Variants in PLCXD3 observed in about 807,000 individuals in gnomAD.
PLCXD3 encodes phosphatidylinositol specific phospholipase C X domain containing 3, also known as PI-PLC X domain-containing protein 3.
Under a neutral mutation model 25.5 loss-of-function variants are expected in PLCXD3, and 19 were observed. The observed-to-expected ratio is 0.75, with a 90% CI of 0.52 to 1.09. The LOEUF (loss-of-function observed/expected upper bound fraction) is 1.09. PLCXD3 is among the 50% of genes least tolerant of loss of function. PLCXD3 has a pLI of 0.00. For missense variants in PLCXD3, 411 were observed against 388.1 expected, an observed-to-expected ratio of 1.06 and a Z score of -0.50; for synonymous variants, 174 against 137.6, an observed-to-expected ratio of 1.26 and a Z score of -1.85.
chr5:41,453,664 G>A (rs1265045758), intron 1 of PLCXD3, among the ~76,000 whole-genome samples: 2 of 151,988 alleles, frequency 1.3e-5, no homozygotes, highest in Non-Finnish European at 2.9e-5. Context: ...GGCCAGCACG[G>A]CATCTAGCAT....
At chr5:41,482,773 C>T (rs1467151371) in intron 1 of PLCXD3, among the ~76,000 whole-genome samples, 1 of 152,146 alleles carries the variant, frequency 6.6e-6, no homozygotes, top group African/African-American at 2.4e-5. Context: ...TTCTTGTTTT[C>T]TTTAATTTAG....
At chr5:41,461,971 C>A (rs554030051) in intron 1 of PLCXD3, among the ~76,000 whole-genome samples, 1 of 152,096 alleles carries the variant, frequency 6.6e-6, no homozygotes, top group Non-Finnish European at 1.5e-5. Context: ...GTTCTACCCA[C>A]AGTCCTGAAG....
rs1745736610 is a variant in PLCXD3 at position 41,389,287 on chromosome 5, A to T, written c.104-6753T>A. 1.3e-5 allele frequency among the ~76,000 whole-genome samples: 2 copies of T among 152,166 alleles called. 1 individual carries two copies. Among genetic ancestry groups the T allele is most frequent in the South Asian group, 4.1e-4 (2 of 4,834 alleles). On this transcript the variant is annotated intron_variant, in intron 1 of 2. Transcript: ENST00000377801. The stretch of plus-strand genomic sequence containing the variant: ...TTACAAGATACTGGCATCAGAAAAG[A>T]CCACAAAATGAATACCAGTCTTTAC...
intron 1 of PLCXD3, among the ~76,000 whole-genome samples, chr5:41,413,543 T>A (rs1455402527): frequency 6.6e-6 from 1 of 152,244 alleles, no homozygotes; most frequent in Non-Finnish European, 1.5e-5. Flanking sequence ...GAACTTTAAA[T>A]GAAAACTTCT....
chr5:41,486,485 A>G (rs1246720984), intron 1 of PLCXD3, among the ~76,000 whole-genome samples: 1 of 152,058 alleles, frequency 6.6e-6, no homozygotes, highest in African/African-American at 2.4e-5. Flanking sequence ...TGCTAGACAC[A>G]ATAAGTTAAC....
intron 2 of PLCXD3, among the ~76,000 whole-genome samples, chr5:41,368,839 A>G (rs955025670): frequency 2.0e-5 from 3 of 152,190 alleles, no homozygotes; most frequent in African/African-American, 7.2e-5. Flanking sequence ...AACATTTTCA[A>G]TCTACAGCTG....
intron 1 of PLCXD3, among the ~76,000 whole-genome samples, chr5:41,405,208 T>A (rs970463411): frequency 6.6e-6 from 1 of 152,098 alleles, no homozygotes. Context: ...GTAGCTTTGT[T>A]GTTTGAGGTC....
rs573386192 is a variant in PLCXD3, at chr5:41,485,483, A to G, written c.103+24941T>C. Among the ~76,000 whole-genome samples, 6 of 152,290 alleles carry G rather than the reference A, an allele frequency of 3.9e-5. No homozygotes were observed. In the East Asian group the frequency reaches 1.2e-3, roughly 29 times the overall value. ...GAGACCCCCTCCTTCATGTATTTGA[A>G]GAAAGAAGGCTATATTCCATTTGCG... is the stretch of plus-strand genomic sequence containing the variant. On this transcript the variant is annotated intron_variant, in intron 1 of 2. Transcript: ENST00000377801.
At chr5:41,472,902 T>A (rs891397421) in intron 1 of PLCXD3, among the ~76,000 whole-genome samples, 1 of 152,182 alleles carries the variant, frequency 6.6e-6, no homozygotes, top group African/African-American at 2.4e-5. Context: ...GGAACAATTT[T>A]TTTTTGCTTT....
chr5:41,433,861 C>G (rs1747173769), intron 1 of PLCXD3, among the ~76,000 whole-genome samples: 1 of 152,212 alleles, frequency 6.6e-6, no homozygotes, highest in Non-Finnish European at 1.5e-5. Context: ...TGACTCCTCT[C>G]CCTTGAAGTG....
chr5:41,360,304 TAGTGC>T (rs1252268707), intron 2 of PLCXD3, among the ~76,000 whole-genome samples: 1 of 152,224 alleles, frequency 6.6e-6, no homozygotes, highest in African/African-American at 2.4e-5. Flanking sequence ...CACCTTTCTC[TAGTGC>T]CTCCTTGATT....
intron 2 of PLCXD3, among the ~76,000 whole-genome samples, chr5:41,350,125 C>T (rs562247253): frequency 6.6e-6 from 1 of 152,254 alleles, no homozygotes; most frequent in African/African-American, 2.4e-5. Flanking sequence ...CCATAATATG[C>T]ACACAGCTCC....
At chr5:41,460,144 T>C (rs1425387929) in intron 1 of PLCXD3, among the ~76,000 whole-genome samples, 4 of 151,954 alleles carry the variant, frequency 2.6e-5, no homozygotes, top group Non-Finnish European at 5.9e-5. Context: ...TCCTCTGGGA[T>C]ATGATTTTAT....
intron 1 of PLCXD3, among the ~76,000 whole-genome samples, chr5:41,431,824 A>T (rs1747116041): frequency 6.6e-6 from 1 of 152,156 alleles, no homozygotes; most frequent in East Asian, 1.9e-4. Flanking sequence ...TTCAAATCAC[A>T]CTTTATTTTT....
intron 2 of PLCXD3, among the ~76,000 whole-genome samples, chr5:41,353,478 T>C (rs904578745): frequency 6.6e-6 from 1 of 152,192 alleles, no homozygotes; most frequent in Non-Finnish European, 1.5e-5. Context: ...AAGTAGGATT[T>C]CCTGGGATAT....
At chr5:41,485,173 AT>A (rs1748492043) in intron 1 of PLCXD3, among the ~76,000 whole-genome samples, 1 of 152,160 alleles carries the variant, frequency 6.6e-6, no homozygotes, top group Admixed American at 6.5e-5. Context: ...TTCTACTTCC[AT>A]TTTTAGGTAA....
chr5:41,509,822 C>G (rs540403789), intron 1 of PLCXD3, among the ~76,000 whole-genome samples: 432 of 152,364 alleles, frequency 2.8e-3, no homozygotes, highest in African/African-American at 9.0e-3. Context: ...AAATGGTGCC[C>G]TCTGCCCGTC....
chr5:41,324,439 C>G (rs1336893608), intron 2 of PLCXD3, among the ~76,000 whole-genome samples: 3 of 152,154 alleles, frequency 2.0e-5, no homozygotes, highest in African/African-American at 4.8e-5. Context: ...TCCTGTCAGA[C>G]CCAGATAGAG....
At chr5:41,374,310 A>G (rs1320329171) in intron 2 of PLCXD3, among the ~76,000 whole-genome samples, 1 of 152,124 alleles carries the variant, frequency 6.6e-6, no homozygotes, top group African/African-American at 2.4e-5. Flanking sequence ...AATTTCCATA[A>G]GAGCATTCCA....
Sources: gnomAD v4.1 joint callset for allele counts (sites outside exome capture counted in the v4.1 genomes callset) on GRCh38, gnomAD v4.1.1 for gene constraint, MANE v1.5 for transcripts, NCBI Gene and HGNC (gene_info 2026-07-23, HGNC 2026-07-21) for gene names.